The following REV1 variants were observed in gnomAD, a reference collection of about 807,000 sequenced individuals.
REV1 encodes the protein REV1 DNA directed polymerase, also known as translesion synthesis protein REV1.
REV1 carries 42 observed loss-of-function variants against 137.4 expected under a neutral mutation model. The ratio of observed to expected loss-of-function variants is 0.31; its 90% CI spans 0.24 to 0.40. REV1 has a LOEUF of 0.40. Ranked by LOEUF, REV1 falls within the 10% of genes least tolerant of loss-of-function variation. The pLI, the probability that REV1 is intolerant of heterozygous loss-of-function variation, is 1.00. For synonymous variants in REV1, 524 were observed against 519.2 expected, an observed-to-expected ratio of 1.01 and a Z score of -0.12; for missense variants, 1,282 against 1,490.1, an observed-to-expected ratio of 0.86 and a Z score of 2.30.
At chr2:99,443,422 C>A (rs940103786) in intron 4 of REV1, among the ~76,000 whole-genome samples, 4 of 152,246 alleles carry the variant, frequency 2.6e-5, no homozygotes, top group African/African-American at 9.6e-5. Context: ...AATGGTGTCA[C>A]ACAAAACTTT....
At chr2:99,482,815 G>A (rs887726883) in intron 1 of REV1, among the ~76,000 whole-genome samples, 5 of 151,802 alleles carry the variant, frequency 3.3e-5, no homozygotes, top group African/African-American at 1.2e-4. Context: ...TCAGGAGTTC[G>A]AGACCAGCCT....
chr2:99,439,149 G>C lies in REV1; in HGVS notation c.665C>G (p.Thr222Ser). ...QNGIPHPRGS[T>S]AIFNGHTPSS... ...AGGAGTGTGTCCATTAAAAATGGCAGTGCTCCCTCTGGGATGCGGAATTCC... is the reference window on the plus strand; with the variant it reads ...AGGAGTGTGTCCATTAAAAATGGCACTGCTCCCTCTGGGATGCGGAATTCC... Residue 222 changes from threonine (T) to serine (S), a missense_variant, in exon 6 of 23, where the codon ACT becomes AGT. Thr to Ser is a moderately conservative substitution (Grantham distance 58). Around this residue, in one of 7 missense-constraint regions of REV1, gnomAD observed 432 missense variants for 438.0 expected, o/e 0.99. Transcript: ENST00000258428. 1.2e-6 allele frequency: 2 copies of C among 1,614,134 alleles called. No homozygotes were observed. Among genetic ancestry groups the C allele is most frequent in the Non-Finnish European group, 1.7e-6 (2 of 1,180,028 alleles).
At position 99,487,253 on chromosome 2, in the gene REV1, T is replaced by G. The variant is rs1257428567; in HGVS notation, c.-11+2564A>C. ...GAAGCTGGCAGCTGCCAAATCATGC[T>G]ATGCCCTGATGGCGACTAAGATTCA... On this transcript the variant is annotated intron_variant, in intron 1 of 22. Coordinates refer to ENST00000258428, the MANE Select transcript of REV1 (RefSeq NM_016316.4). Among the ~76,000 whole-genome samples the G allele has an allele frequency of 5.7e-5, 3 of 52,426 alleles. 1 individual carries two copies. The highest frequency in any genetic ancestry group is 6.4e-4 in the Admixed American group (2 of 3,102). The allele number at this position is 52,426 out of a possible 152,430, so 34.4% of individuals were successfully genotyped here. A position where few individuals can be genotyped will look rare whatever the true frequency, so the allele number is the denominator to read the frequency against.
At chr2:99,432,870 T>C (rs945086563) in intron 8 of REV1, among the ~76,000 whole-genome samples, 3 of 152,124 alleles carry the variant, frequency 2.0e-5, no homozygotes, top group Non-Finnish European at 4.4e-5. Flanking sequence ...TATAGTAAGA[T>C]TGTAACAGAA....
At chr2:99,486,689 A>G (rs1687177125) in intron 1 of REV1, among the ~76,000 whole-genome samples, 1 of 152,232 alleles carries the variant, frequency 6.6e-6, no homozygotes, top group African/African-American at 2.4e-5. Flanking sequence ...CAATCAGTAA[A>G]TGGTGGGAGC....
chr2:99,432,286 T>C (rs1680220401), intron 8 of REV1, among the ~76,000 whole-genome samples: 1 of 152,222 alleles, frequency 6.6e-6, no homozygotes, highest in Non-Finnish European at 1.5e-5. Flanking sequence ...CTATTTGTCC[T>C]AATACTTTGT....
At chr2:99,403,575 T>C in intron 19 of REV1, 120 bp downstream of exon 19, 1 of 1,226,494 alleles carries the variant, frequency 8.2e-7, no homozygotes, top group South Asian at 1.3e-5. Flanking sequence ...ATTATCCCAA[T>C]ATGAAGAGCT....
intron 4 of REV1, among the ~76,000 whole-genome samples, chr2:99,443,096 C>G (rs1681721559): frequency 6.6e-6 from 1 of 152,176 alleles, no homozygotes; most frequent in African/African-American, 2.4e-5. Context: ...AGAACTAAAA[C>G]TAATTTGATT....
In REV1 at chr2:99,402,933, C is replaced by T. The variant is rs753425330; in HGVS notation, c.3340G>A (p.Asp1114Asn). The T allele has an allele frequency of 6.2e-7, 1 of 1,614,154 alleles. No individual in the cohort carries two copies. Among genetic ancestry groups the T allele is most frequent in the Non-Finnish European group, 8.5e-7 (1 of 1,180,038 alleles). ...GGTCCTTCATGTTTTAGAAACCCAT[C>T]AATTAACTTCTGGGGACTGCCACAG... ...GACGSPQKLI[D>N]GFLKHEGPPA... Residue 1114 changes from aspartate to asparagine, a missense_variant, in exon 20 of 23, where the codon GAT becomes AAT. Asp to Asn is a conservative substitution (Grantham distance 23). Coordinates refer to ENST00000258428, the MANE Select transcript of REV1 (RefSeq NM_016316.4).
At chr2:99,447,182 G>A (rs1286513923) in intron 4 of REV1, among the ~76,000 whole-genome samples, 1 of 150,260 alleles carries the variant, frequency 6.7e-6, no homozygotes, top group Non-Finnish European at 1.5e-5. Flanking sequence ...TTTTTAGACA[G>A]AGTCTCACTT....
At position 99,474,602 on chromosome 2, in the gene REV1, T is replaced by A. The variant is rs565786566; in HGVS notation, c.-10-9617A>T. On this transcript the variant is annotated intron_variant, in intron 1 of 22. Coordinates refer to ENST00000258428, the MANE Select transcript of REV1 (RefSeq NM_016316.4). Reference sequence around the variant, plus strand: ...TAAGCTCCATCTAGACCCCAACTAGTCCATATTGATAAGCAGAAGTCGGGA... The same window carrying A: ...TAAGCTCCATCTAGACCCCAACTAGACCATATTGATAAGCAGAAGTCGGGA... 2.0e-5 allele frequency among the ~76,000 whole-genome samples: 3 copies of A among 152,084 alleles called. No homozygotes were observed. The East Asian group carries it at 5.8e-4, about 29-fold the overall frequency.
At position 99,437,872 on chromosome 2, in the gene REV1, C is replaced by T. The variant is rs558399577; in HGVS notation, c.1213+729G>A. Among the ~76,000 whole-genome samples the T allele has an allele frequency of 2.0e-5, 3 of 151,952 alleles. No homozygotes were observed. The East Asian group carries it at 5.8e-4, about 29-fold the overall frequency. On this transcript the variant is annotated intron_variant, in intron 6 of 22. Transcript: ENST00000258428. The stretch of plus-strand genomic sequence containing the variant: ...CTCAGTAAAACATAACAGAAAACAC[C>T]CCACATAGAGTCTCTATCACTTTCT...
At chr2:99,421,854 C>A (rs1678730685) in intron 10 of REV1, among the ~76,000 whole-genome samples, 1 of 152,030 alleles carries the variant, frequency 6.6e-6, no homozygotes, top group Non-Finnish European at 1.5e-5. Context: ...TTATTAACTA[C>A]CAAAATACAG....
intron 14 of REV1, among the ~76,000 whole-genome samples, 155 bp downstream of exon 14, chr2:99,410,540 G>C (rs1368160605): frequency 6.6e-6 from 1 of 152,188 alleles, no homozygotes; most frequent in Non-Finnish European, 1.5e-5. Flanking sequence ...AACCTAAGCT[G>C]AATGCCTTGG....
chr2:99,416,438 T>C (rs1312099438), intron 12 of REV1, among the ~76,000 whole-genome samples: 3 of 152,204 alleles, frequency 2.0e-5, no homozygotes, highest in Non-Finnish European at 4.4e-5. Flanking sequence ...TTTATAGACC[T>C]GAAATGTTCT....
chr2:99,473,850 C>T (rs373644274), intron 1 of REV1, among the ~76,000 whole-genome samples: 4 of 152,320 alleles, frequency 2.6e-5, no homozygotes, highest in African/African-American at 9.6e-5. Context: ...TATGATCTTT[C>T]CATCTTTTCT....
chr2:99,482,362 C>T (rs1270172388), intron 1 of REV1, among the ~76,000 whole-genome samples: 1 of 152,198 alleles, frequency 6.6e-6, no homozygotes, highest in Non-Finnish European at 1.5e-5. Context: ...ATTCCAAGAA[C>T]AGCACTTTCC....
chr2:99,482,720 GAC>G (rs1686747904), intron 1 of REV1, among the ~76,000 whole-genome samples: 1 of 152,160 alleles, frequency 6.6e-6, no homozygotes, highest in African/African-American at 2.4e-5. Context: ...AAATTGGAAT[GAC>G]ACAGAGAAGA....
Position 99,416,449 on chromosome 2 carries a change from A to G in REV1, c.1951+2379T>C, listed in dbSNP as rs17763586. 9.8e-3 allele frequency among the ~76,000 whole-genome samples: 1,487 copies of G among 152,350 alleles called. 10 individuals are homozygous for G. Among genetic ancestry groups the G allele is most frequent in the Middle Eastern group, 0.02 (6 of 294 alleles). ...ATATTTTATAGACCTGAAATGTTCT[A>G]TAACAGTCAGGTTAAGGATTTGGGG... On this transcript the variant is annotated intron_variant, in intron 12 of 22. Coordinates refer to ENST00000258428, the MANE Select transcript of REV1 (RefSeq NM_016316.4).
Sources: allele counts gnomAD v4.1 joint callset (sites outside exome capture counted in the v4.1 genomes callset), GRCh38; gene constraint gnomAD v4.1.1; regional missense constraint gnomAD v4.1.1; transcripts MANE v1.5; gene names NCBI Gene and HGNC (gene_info 2026-07-23, HGNC 2026-07-21).